Variants in NEDD4 observed in about 807,000 individuals in gnomAD.
The protein encoded by NEDD4 is E3 ubiquitin-protein ligase NEDD4.
In NEDD4, 99 loss-of-function variants were observed where a neutral mutation model predicts 144.9. That is an observed-to-expected ratio of 0.68 (90% confidence interval 0.58 to 0.81). The LOEUF is 0.81. Among genes scored for constraint, NEDD4 ranks in the 30% least tolerant of loss-of-function variants. NEDD4 has a pLI of 0.00. For synonymous variants in NEDD4, 318 were observed against 350.6 expected, an observed-to-expected ratio of 0.91 and a Z score of 1.04; for missense variants, 985 against 1,065.9, an observed-to-expected ratio of 0.92 and a Z score of 1.06.
At chr15:55,959,028 C>T (rs1184415254) in intron 2 of NEDD4, among the ~76,000 whole-genome samples, 1 of 148,062 alleles carries the variant, frequency 6.8e-6, no homozygotes, top group African/African-American at 2.5e-5. Context: ...TGATTTTGGC[C>T]CTTGTCTTTA....
At chr15:55,906,514 C>G (rs1420529859) in intron 5 of NEDD4, among the ~76,000 whole-genome samples, 1 of 151,946 alleles carries the variant, frequency 6.6e-6, no homozygotes, top group Non-Finnish European at 1.5e-5. Context: ...CCATCATTCT[C>G]AGCAAACTAT....
intron 7 of NEDD4, among the ~76,000 whole-genome samples, chr15:55,870,659 A>T (rs938799335): frequency 8.6e-5 from 13 of 151,240 alleles, no homozygotes; most frequent in African/African-American, 3.2e-4. Context: ...TTAGCCTCCT[A>T]AATAACTGGG....
At chr15:55,957,368 G>A (rs1238949919) in intron 2 of NEDD4, among the ~76,000 whole-genome samples, 1 of 152,156 alleles carries the variant, frequency 6.6e-6, no homozygotes, top group African/African-American at 2.4e-5. Flanking sequence ...CCTTATTCCT[G>A]AGTTAAGTAG....
At chr15:55,961,046 G>C in intron 2 of NEDD4, among the ~76,000 whole-genome samples, 1 of 152,194 alleles carries the variant, frequency 6.6e-6, no homozygotes, top group Non-Finnish European at 1.5e-5. Flanking sequence ...TTGTTTGTCA[G>C]GATTCTCCTA....
At chr15:55,833,258 T>C (rs1248581853) in intron 26 of NEDD4, among the ~76,000 whole-genome samples, 154 bp from the exon 27 acceptor site, 1 of 152,244 alleles carries the variant, frequency 6.6e-6, no homozygotes, top group African/African-American at 2.4e-5. Context: ...AGATGGTTTA[T>C]AAAGTTCTTG....
At chr15:55,835,422 T>TG (rs2033148210) in intron 24 of NEDD4, among the ~76,000 whole-genome samples, 1 of 128,788 alleles carries the variant, frequency 7.8e-6, no homozygotes, top group South Asian at 3.0e-4. Context: ...CCTGTTCTGT[T>TG]TTTTTTTTTT....
intron 2 of NEDD4, among the ~76,000 whole-genome samples, chr15:55,951,855 T>C (rs1378218580): frequency 1.3e-5 from 2 of 152,080 alleles, no homozygotes; most frequent in East Asian, 1.9e-4. Context: ...ATAAGCTTCC[T>C]AGATTTTTAA....
chr15:55,935,087 T>G (rs1292324551), intron 4 of NEDD4, among the ~76,000 whole-genome samples: 1 of 152,028 alleles, frequency 6.6e-6, no homozygotes, highest in African/African-American at 2.4e-5. Flanking sequence ...AGACTGGTTT[T>G]GAACTCCTGG....
chr15:55,885,988 C>T (rs1008695502), intron 5 of NEDD4, among the ~76,000 whole-genome samples: 3 of 150,272 alleles, frequency 2.0e-5, no homozygotes, highest in Non-Finnish European at 4.4e-5. Context: ...GACATAAAGA[C>T]TAAAAACAAA....
chr15:55,917,366 A>G (rs2036481580), intron 5 of NEDD4, among the ~76,000 whole-genome samples: 2 of 152,208 alleles, frequency 1.3e-5, no homozygotes, highest in Admixed American at 1.3e-4. Context: ...GTTGGTAGGA[A>G]CAAAACCCCA....
chr15:55,911,885 C>T (rs1175250435), intron 5 of NEDD4, among the ~76,000 whole-genome samples: 4 of 152,126 alleles, frequency 2.6e-5, no homozygotes, highest in African/African-American at 9.7e-5. Flanking sequence ...GGGAGCTCCC[C>T]TAAATAGAGA....
intron 5 of NEDD4, among the ~76,000 whole-genome samples, chr15:55,910,173 A>G (rs2036226899): frequency 6.6e-6 from 1 of 152,198 alleles, no homozygotes; most frequent in South Asian, 2.1e-4. Flanking sequence ...TCTGTATAAC[A>G]ATAACTACAT....
chr15:55,845,798 C>T (rs1313060531), intron 18 of NEDD4, among the ~76,000 whole-genome samples: 9 of 143,146 alleles, frequency 6.3e-5, no homozygotes, highest in Non-Finnish European at 1.2e-4. Flanking sequence ...TTTCTTTTTT[C>T]TTTTTTTTTT....
rs768109505 is a variant in NEDD4, at chr15:55,846,960, A to G, written c.1608+9T>C. ...TGACTCTTAAGTATTTATTATAAAC[A>G]TGACTAACCTGCTTCTTCAACTTTC... On this transcript the variant is annotated intron_variant, in intron 18 of 28. Transcript: ENST00000435532. The G allele has an allele frequency of 7.7e-6, 12 of 1,562,628 alleles. No homozygotes were observed. Among genetic ancestry groups the G allele is most frequent in the Middle Eastern group, 1.7e-4 (1 of 5,878 alleles).
At chr15:55,903,353 G>C (rs1263240325) in intron 5 of NEDD4, among the ~76,000 whole-genome samples, 2 of 152,100 alleles carry the variant, frequency 1.3e-5, no homozygotes, top group African/African-American at 4.8e-5. Flanking sequence ...TTGCGTTTTG[G>C]TTGAAGTATG....
rs114465327 is a variant in NEDD4 at position 55,938,673 on chromosome 15, C to T, written c.237+12703G>A. On this transcript the variant is annotated intron_variant, in intron 4 of 28. Transcript: ENST00000435532. ...AACAATCAACAAAGTGAAAAGGCAC[C>T]GTACAAAATGGGAAAAATATTTGCA... 4.2e-3 allele frequency among the ~76,000 whole-genome samples: 637 copies of T among 151,878 alleles called. 5 individuals carry two copies. Among genetic ancestry groups the T allele is most frequent in the African/African-American group, 0.015 (609 of 41,404 alleles).
At chr15:55,931,937 A>G (rs889561179) in intron 4 of NEDD4, among the ~76,000 whole-genome samples, 1 of 152,194 alleles carries the variant, frequency 6.6e-6, no homozygotes, top group Non-Finnish European at 1.5e-5. Flanking sequence ...CCAGGAAACC[A>G]CTAATCTACT....
chr15:55,860,186 G>A (rs2034345037), intron 11 of NEDD4, among the ~76,000 whole-genome samples: 1 of 152,152 alleles, frequency 6.6e-6, no homozygotes, highest in African/African-American at 2.4e-5. Flanking sequence ...TTTTTGACTG[G>A]AGGGCACTGA....
At chr15:55,868,491 C>T (rs867433455) in intron 8 of NEDD4, among the ~76,000 whole-genome samples, 3 of 152,074 alleles carry the variant, frequency 2.0e-5, no homozygotes, top group East Asian at 1.9e-4. Context: ...TGAGTTTTTC[C>T]GGTGCTGTTC....
Sources: gnomAD v4.1 joint callset for allele counts (sites outside exome capture counted in the v4.1 genomes callset) on GRCh38, gnomAD v4.1.1 for gene constraint, MANE v1.5 for transcripts, NCBI Gene and HGNC (gene_info 2026-07-23, HGNC 2026-07-21) for gene names.